Variants in EFHC2 observed in about 807,000 individuals in gnomAD.
EFHC2 encodes the protein EF-hand domain-containing family member C2.
In EFHC2, 18 loss-of-function variants were observed where a neutral mutation model predicts 52.7. That is an observed-to-expected ratio of 0.34 (90% CI 0.24 to 0.51). The LOEUF (loss-of-function observed/expected upper bound fraction) is 0.51. EFHC2 is among the 20% of genes least tolerant of loss of function. EFHC2 has a pLI of 0.97. For missense variants in EFHC2, 513 were observed against 562.5 expected (o/e 0.91, Z 0.89); for synonymous variants, 203 against 204.1 (o/e 0.99, Z 0.04).
chrX:44,216,127 G>A (rs190287223), intron 11 of EFHC2, among the ~76,000 whole-genome samples: 44 of 112,321 alleles, frequency 3.9e-4, no homozygotes, highest in African/African-American at 1.4e-3. Flanking sequence ...TCCCTGGAAG[G>A]CATTGATGTA....
At chrX:44,189,639 T>C (rs1401755943) in intron 11 of EFHC2, among the ~76,000 whole-genome samples, 3 of 110,384 alleles carry the variant, frequency 2.7e-5, no homozygotes, top group African/African-American at 9.9e-5. Flanking sequence ...GGCACGGGAG[T>C]GCATCTGAGA....
At chrX:44,223,456 A>G (rs764646420) in intron 11 of EFHC2, among the ~76,000 whole-genome samples, 197 of 110,921 alleles carry the variant, frequency 1.8e-3, no homozygotes, top group Non-Finnish European at 2.5e-3. Flanking sequence ...TTGTTTCTCC[A>G]GCCCTTCCAA....
At chrX:44,255,716 G>A (rs183264576) in intron 4 of EFHC2, among the ~76,000 whole-genome samples, 5 of 111,497 alleles carry the variant, frequency 4.5e-5, no homozygotes, top group African/African-American at 1.3e-4. Flanking sequence ...ACAGATCAAC[G>A]AGACAGAAAA....
chrX:44,269,148 T>C (rs1456193085), intron 3 of EFHC2, among the ~76,000 whole-genome samples: 2 of 111,478 alleles, frequency 1.8e-5, no homozygotes, highest in Non-Finnish European at 3.8e-5. Context: ...AGCCTGGTCA[T>C]GATCTGGGCA....
intron 7 of EFHC2, among the ~76,000 whole-genome samples, chrX:44,248,049 C>T (rs1236891591): frequency 9.0e-6 from 1 of 111,033 alleles, no homozygotes; most frequent in East Asian, 2.8e-4. Flanking sequence ...CAAATGAGCC[C>T]CCTTTAAGCC....
chrX:44,159,816 C>A (rs532282007), intron 14 of EFHC2, among the ~76,000 whole-genome samples: 19 of 112,839 alleles, frequency 1.7e-4, no homozygotes, highest in African/African-American at 6.1e-4. Context: ...CCCATCTTAA[C>A]CTTGGCAGGG....
At chrX:44,250,128 C>G in intron 5 of EFHC2, 66 bp downstream of exon 5, 1 of 1,145,998 alleles carries the variant, frequency 8.7e-7, no homozygotes, top group Non-Finnish European at 1.2e-6. Context: ...TAACACACAA[C>G]ATTCCAAACA....
chrX:44,190,534 CTTGAT>C (rs917191319), intron 11 of EFHC2, among the ~76,000 whole-genome samples: 22 of 111,704 alleles, frequency 2.0e-4, no homozygotes, highest in African/African-American at 6.8e-4. Context: ...GAGGATTTCT[CTTGAT>C]TTTTTTTCCT....
intron 1 of EFHC2, among the ~76,000 whole-genome samples, chrX:44,317,233 C>T (rs1309942991): frequency 9.0e-6 from 1 of 111,237 alleles, no homozygotes; most frequent in Non-Finnish European, 1.9e-5. Flanking sequence ...TTATTACTAA[C>T]AGGCTTCTGA....
chrX:44,249,277 C>A (rs2037423837), intron 5 of EFHC2, among the ~76,000 whole-genome samples: 1 of 111,077 alleles, frequency 9.0e-6, no homozygotes, highest in Non-Finnish European at 1.9e-5. Flanking sequence ...GACTGAATGG[C>A]CAGCAGTTAT....
At chrX:44,257,895 T>G (rs1407603977) in intron 4 of EFHC2, among the ~76,000 whole-genome samples, 2 of 111,662 alleles carry the variant, frequency 1.8e-5, no homozygotes, top group Non-Finnish European at 3.8e-5. Context: ...TACTACAAGT[T>G]TACAGTAACC....
Position 44,288,470 on chromosome X carries a change from T to TA in EFHC2, c.232-15635dup, listed in dbSNP as rs1436199098. ...AAAATAGCCCATAATGCTACCCACT[T>TA]AGAGACAATCACTAACATTTGGAGT... On this transcript the variant is annotated intron_variant, in intron 2 of 14. Transcript: ENST00000420999. Among the ~76,000 whole-genome samples the TA allele has an allele frequency of 3.6e-5, 4 of 110,717 alleles. No individual in the cohort carries two copies. In the East Asian group the frequency reaches 1.1e-3, roughly 31 times the overall value.
chrX:44,201,996 C>A (rs988533995), intron 11 of EFHC2, among the ~76,000 whole-genome samples: 1 of 111,167 alleles, frequency 9.0e-6, no homozygotes, highest in Non-Finnish European at 1.9e-5. Context: ...GCTATTACTA[C>A]TCACATGTTG....
At chrX:44,161,261 CTG>C (rs1359725146) in intron 14 of EFHC2, among the ~76,000 whole-genome samples, 5 of 111,729 alleles carry the variant, frequency 4.5e-5, no homozygotes, top group African/African-American at 1.6e-4. Flanking sequence ...CATATACAAA[CTG>C]TGGAAATCGA....
intron 3 of EFHC2, among the ~76,000 whole-genome samples, chrX:44,262,076 C>T (rs1325557659): frequency 1.8e-5 from 2 of 111,014 alleles, no homozygotes; most frequent in Non-Finnish European, 3.8e-5. Context: ...TTCCCAGGGT[C>T]CCACGTATAT....
At chrX:44,305,918 G>A (rs1258107829) in intron 2 of EFHC2, among the ~76,000 whole-genome samples, 1 of 111,564 alleles carries the variant, frequency 9.0e-6, no homozygotes, top group Admixed American at 9.5e-5. Flanking sequence ...CAGTTGCCGT[G>A]GACCCCAGGG....
chrX:44,217,011 C>A (rs2037155408), intron 11 of EFHC2, among the ~76,000 whole-genome samples: 1 of 111,753 alleles, frequency 8.9e-6, no homozygotes, highest in Admixed American at 9.5e-5. Context: ...AAAGCTCAAA[C>A]AACTTTATAG....
At chrX:44,295,908 T>C (rs2147370449) in intron 2 of EFHC2, among the ~76,000 whole-genome samples, 1 of 111,855 alleles carries the variant, frequency 8.9e-6, no homozygotes, top group South Asian at 3.8e-4. Context: ...CTAATAGCAA[T>C]TGAAAATCCT....
chrX:44,338,204 T>C (rs750957310), intron 1 of EFHC2, among the ~76,000 whole-genome samples: 1 of 111,785 alleles, frequency 8.9e-6, no homozygotes, highest in South Asian at 3.7e-4. Context: ...AATTTAAAAA[T>C]ATACATTAAG....
Sources: gnomAD v4.1 joint callset for allele counts (sites outside exome capture counted in the v4.1 genomes callset) on GRCh38, gnomAD v4.1.1 for gene constraint, MANE v1.5 for transcripts, NCBI Gene and HGNC (gene_info 2026-07-23, HGNC 2026-07-21) for gene names.